The following MCTP1 variants were observed in gnomAD, a reference collection of about 807,000 sequenced individuals.
MCTP1 encodes the protein multiple C2 and transmembrane domain-containing protein 1.
MCTP1 carries 69 observed loss-of-function variants against 120.6 expected under a neutral mutation model. The ratio of observed to expected loss-of-function variants is 0.57; its 90% CI spans 0.47 to 0.70. The LOEUF is 0.70. Ranked by LOEUF, MCTP1 falls within the 30% of genes least tolerant of loss-of-function variation. The pLI, the probability that MCTP1 is intolerant of heterozygous loss-of-function variation, is 0.00. For synonymous variants in MCTP1, 529 were observed against 493.1 expected (o/e 1.07, Z -0.96); for missense variants, 1,203 against 1,248.8 (o/e 0.96, Z 0.55).
intron 1 of MCTP1, among the ~76,000 whole-genome samples, chr5:95,227,608 T>C (rs1210705751): frequency 6.6e-6 from 1 of 152,202 alleles, no homozygotes; most frequent in Non-Finnish European, 1.5e-5. Flanking sequence ...TATAACATCT[T>C]CTAGAATCAG....
At chr5:94,764,429 T>G (rs533286421) in intron 19 of MCTP1, among the ~76,000 whole-genome samples, 4 of 152,290 alleles carry the variant, frequency 2.6e-5, no homozygotes, top group African/African-American at 9.6e-5. Context: ...CCTTGTTTAT[T>G]ATGAATCTAG....
intron 1 of MCTP1, among the ~76,000 whole-genome samples, chr5:95,214,949 G>C (rs1467834129): frequency 1.3e-5 from 2 of 151,894 alleles, no homozygotes; most frequent in African/African-American, 2.4e-5. Flanking sequence ...CACCAACATG[G>C]CACATGTATA....
chr5:95,258,068 G>A (rs543074926), intron 1 of MCTP1, among the ~76,000 whole-genome samples: 3 of 152,148 alleles, frequency 2.0e-5, no homozygotes, highest in Non-Finnish European at 4.4e-5. Flanking sequence ...CTTCAAAGAG[G>A]TGGGACTTAA....
At chr5:95,208,687 C>T (rs903019987) in intron 1 of MCTP1, among the ~76,000 whole-genome samples, 1 of 136,366 alleles carries the variant, frequency 7.3e-6, no homozygotes, top group Non-Finnish European at 1.6e-5. Context: ...CAGTGTAGGA[C>T]AAAAAAGAGA....
intron 13 of MCTP1, among the ~76,000 whole-genome samples, chr5:94,871,941 C>T (rs924719398): frequency 2.0e-4 from 30 of 151,936 alleles, no homozygotes; most frequent in African/African-American, 6.8e-4. Flanking sequence ...TAAAAATTAA[C>T]AAGCACAGAA....
chr5:94,896,613 G>A (rs1183447026), intron 10 of MCTP1, among the ~76,000 whole-genome samples: 1 of 152,156 alleles, frequency 6.6e-6, no homozygotes, highest in Admixed American at 6.5e-5. Flanking sequence ...TACAGGTGGG[G>A]AAACTGCTCT....
At chr5:95,126,225 T>C (rs1001525932) in intron 1 of MCTP1, among the ~76,000 whole-genome samples, 2 of 152,222 alleles carry the variant, frequency 1.3e-5, no homozygotes, top group African/African-American at 2.4e-5. Context: ...CTACATTTAA[T>C]GACATCAGAG....
chr5:94,708,163 C>G (rs1220092425), intron 22 of MCTP1: 1 of 161,318 alleles, frequency 6.2e-6, no homozygotes, highest in Non-Finnish European at 1.3e-5. Flanking sequence ...ACTTTTTTTT[C>G]TTAAATGTCC....
intron 2 of MCTP1, among the ~76,000 whole-genome samples, chr5:95,014,636 G>T (rs896103346): frequency 2.0e-5 from 3 of 151,966 alleles, no homozygotes; most frequent in African/African-American, 7.2e-5. Context: ...TCTATTATTT[G>T]TACAGTTCCT....
In MCTP1 at chr5:95,017,433, G is replaced by A. The variant is rs773278512; in HGVS notation, c.772C>T (p.Pro258Ser). ...GTAATGTCCAGCTGGTACATTCCGGGATCAGCCAAGGGGACTTCTGCATTA... is the reference window on the plus strand; with the variant it reads ...GTAATGTCCAGCTGGTACATTCCGGAATCAGCCAAGGGGACTTCTGCATTA... ...TSNAEVPLAD[P>S]GMYQLDITLR... is the part of the protein sequence containing the mutation. Residue 258 changes from proline to serine, a missense_variant, in exon 2 of 23, where the codon CCC becomes TCC. Pro to Ser is a moderately conservative substitution (Grantham distance 74, BLOSUM62 -1). Around this residue, in one of 2 missense-constraint regions of MCTP1, gnomAD observed 463 missense variants for 377.8 expected, o/e 1.23. Transcript: ENST00000515393. 1 of 1,610,756 alleles carries A rather than the reference G, an allele frequency of 6.2e-7. No individual in the cohort carries two copies. Among genetic ancestry groups the A allele is most frequent in the Non-Finnish European group, 8.5e-7 (1 of 1,177,962 alleles).
At chr5:94,778,466 C>T (rs1421099135) in intron 19 of MCTP1, among the ~76,000 whole-genome samples, 2 of 152,038 alleles carry the variant, frequency 1.3e-5, no homozygotes. Context: ...AGTTGTCCCC[C>T]CTCCCTAGGG....
rs1259862472 is a variant in MCTP1 at position 94,907,141 on chromosome 5, G to A, written c.1652+2110C>T. 2.0e-5 allele frequency among the ~76,000 whole-genome samples: 3 copies of A among 152,272 alleles called. No homozygotes were observed. The East Asian group carries it at 5.8e-4, about 29-fold the overall frequency. On this transcript the variant is annotated intron_variant, in intron 10 of 22. Coordinates refer to ENST00000515393, the MANE Select transcript of MCTP1 (RefSeq NM_024717.7). ...TGATACTTAGGTATAATAACATGTTGCTTTTCAGCGGCAAGATGCTTTTAA... is the reference window on the plus strand; with the variant it reads ...TGATACTTAGGTATAATAACATGTTACTTTTCAGCGGCAAGATGCTTTTAA...
intron 2 of MCTP1, among the ~76,000 whole-genome samples, chr5:94,985,522 G>A (rs1830283678): frequency 6.6e-6 from 1 of 152,048 alleles, no homozygotes. Flanking sequence ...ACAGATCTAT[G>A]AATACTGCCA....
At position 95,041,311 on chromosome 5, in the gene MCTP1, GAAAAAA is replaced by G. The variant is rs58379749; in HGVS notation, c.721-23833_721-23828del. On this transcript the variant is annotated intron_variant, in intron 1 of 22. Coordinates refer to ENST00000515393, the MANE Select transcript of MCTP1 (RefSeq NM_024717.7). Reference sequence around the variant, plus strand: ...GTCTAATGCCAAAAGCCCATGCTCTGAAAAAAAAAAAAAAAAAAAAGAAAAAACAAA... The same window carrying G: ...GTCTAATGCCAAAAGCCCATGCTCTGAAAAAAAAAAAAAAGAAAAAACAAA... Among the ~76,000 whole-genome samples the G allele has an allele frequency of 5.6e-5, 5 of 89,816 alleles. No homozygotes were observed. The East Asian group carries it at 1.2e-3, about 22-fold the overall frequency. 58.9% of individuals were successfully genotyped at this position (89,816 alleles called of 152,430 possible).
intron 17 of MCTP1, among the ~76,000 whole-genome samples, chr5:94,808,109 G>A (rs1268097035): frequency 6.6e-6 from 1 of 152,018 alleles, no homozygotes; most frequent in Non-Finnish European, 1.5e-5. Flanking sequence ...CTCAAATTAA[G>A]TCAGGCTCCA....
At chr5:94,943,928 C>A (rs2153512473) in intron 3 of MCTP1, among the ~76,000 whole-genome samples, 1 of 152,178 alleles carries the variant, frequency 6.6e-6, no homozygotes, top group East Asian at 1.9e-4. Context: ...TTTGGTTGCT[C>A]CAGGATGTGA....
At chr5:94,843,112 C>T (rs1332569514) in intron 17 of MCTP1, among the ~76,000 whole-genome samples, 1 of 151,024 alleles carries the variant, frequency 6.6e-6, no homozygotes, top group East Asian at 1.9e-4. Context: ...CTAGACTGGC[C>T]TACAAGATAA....
At chr5:94,777,082 CAAATA>C (rs1775532282) in intron 19 of MCTP1, among the ~76,000 whole-genome samples, 1 of 152,052 alleles carries the variant, frequency 6.6e-6, no homozygotes. Context: ...TTTTATCGCT[CAAATA>C]AAAGGGTTGG....
At chr5:94,826,009 A>G (rs1392581083) in intron 17 of MCTP1, 7 of 313,658 alleles carry the variant, frequency 2.2e-5, no homozygotes, top group Admixed American at 1.4e-4. Context: ...TTGCATCTCC[A>G]CCTTCTACAA....
Sources: gnomAD v4.1 joint callset for allele counts (sites outside exome capture counted in the v4.1 genomes callset) on GRCh38, gnomAD v4.1.1 for gene constraint, gnomAD v4.1.1 regional missense constraint, MANE v1.5 for transcripts, NCBI Gene and HGNC (gene_info 2026-07-23, HGNC 2026-07-21) for gene names.